The following GRM8 variants were observed in gnomAD, a reference collection of about 807,000 sequenced individuals.
GRM8 encodes the protein metabotropic glutamate receptor 8.
GRM8 carries 47 observed loss-of-function variants against 87.2 expected under a neutral mutation model. The ratio of observed to expected loss-of-function variants is 0.54; its 90% CI spans 0.43 to 0.69. The LOEUF (loss-of-function observed/expected upper bound fraction) is 0.69. GRM8 is among the 30% of genes least tolerant of loss of function. GRM8 has a pLI of 0.00. For missense variants in GRM8, 1,019 were observed against 1,139.2 expected, an observed-to-expected ratio of 0.89 and a Z score of 1.52; for synonymous variants, 396 against 404.5, an observed-to-expected ratio of 0.98 and a Z score of 0.25.
chr7:126,943,921 G>A (rs963423266), intron 3 of GRM8, among the ~76,000 whole-genome samples: 20 of 152,296 alleles, frequency 1.3e-4, no homozygotes, highest in East Asian at 1.9e-4. Flanking sequence ...TAAAGGACTC[G>A]TTTCACCCAC....
intron 8 of GRM8, among the ~76,000 whole-genome samples, chr7:126,565,952 A>G (rs1303883594): frequency 6.6e-6 from 1 of 152,206 alleles, no homozygotes; most frequent in East Asian, 1.9e-4. Flanking sequence ...AGTCTTTTCA[A>G]CAAATAGTGT....
chr7:126,829,343 C>G (rs1184523211), intron 6 of GRM8, among the ~76,000 whole-genome samples: 3 of 135,070 alleles, frequency 2.2e-5, no homozygotes, highest in East Asian at 4.2e-4. Context: ...GTCTAAGTCT[C>G]TTTGTAGGTC....
intron 3 of GRM8, among the ~76,000 whole-genome samples, chr7:126,987,436 T>C (rs1812188192): frequency 7.1e-6 from 1 of 141,716 alleles, no homozygotes; most frequent in African/African-American, 2.7e-5. Context: ...GAAGCATATC[T>C]TGTTCACAGT....
chr7:126,649,978 G>A (rs1002420384), intron 7 of GRM8, among the ~76,000 whole-genome samples: 1 of 152,198 alleles, frequency 6.6e-6, no homozygotes, highest in African/African-American at 2.4e-5. Context: ...TAGGATTTTG[G>A]AACAAGGCTC....
intron 7 of GRM8, among the ~76,000 whole-genome samples, chr7:126,752,130 G>A (rs1435522483): frequency 2.0e-5 from 3 of 152,114 alleles, no homozygotes; most frequent in African/African-American, 4.8e-5. Flanking sequence ...GCTTACAGCA[G>A]TCATTAAAAT....
At chr7:126,851,808 C>A (rs988894046) in intron 6 of GRM8, among the ~76,000 whole-genome samples, 1 of 152,118 alleles carries the variant, frequency 6.6e-6, no homozygotes, top group Non-Finnish European at 1.5e-5. Flanking sequence ...TCCAGATTAC[C>A]CTGCTTTATT....
At chr7:126,616,395 T>C (rs1462601309) in intron 7 of GRM8, among the ~76,000 whole-genome samples, 1 of 152,218 alleles carries the variant, frequency 6.6e-6, no homozygotes, top group Non-Finnish European at 1.5e-5. Context: ...GGGAAATTTA[T>C]AGCACGAAAT....
intron 2 of GRM8, among the ~76,000 whole-genome samples, chr7:127,153,534 C>T (rs192239139): frequency 1.1e-4 from 17 of 152,048 alleles, no homozygotes; most frequent in Admixed American, 3.3e-4. Context: ...TTTGAGAAAG[C>T]GGAAGTGGGG....
chr7:127,058,412 T>C (rs1299051650), intron 3 of GRM8, among the ~76,000 whole-genome samples: 1 of 152,242 alleles, frequency 6.6e-6, no homozygotes, highest in Non-Finnish European at 1.5e-5. Context: ...ATAGATTTCA[T>C]GGCTTGTTAC....
chr7:127,024,666 G>A (rs932429324), intron 3 of GRM8, among the ~76,000 whole-genome samples: 2 of 152,010 alleles, frequency 1.3e-5, no homozygotes, highest in African/African-American at 4.8e-5. Context: ...CCCAGAAATT[G>A]ATCCCTGACC....
chr7:126,509,362 A>G (rs1415992251), intron 9 of GRM8, among the ~76,000 whole-genome samples: 1 of 152,020 alleles, frequency 6.6e-6, no homozygotes, highest in Non-Finnish European at 1.5e-5. Context: ...ATTATTTTTG[A>G]GATTCAGAAA....
intron 2 of GRM8, among the ~76,000 whole-genome samples, chr7:127,169,795 A>T (rs1393489568): frequency 1.3e-5 from 2 of 152,228 alleles, no homozygotes; most frequent in African/African-American, 4.8e-5. Flanking sequence ...TTATAAATGC[A>T]ATAACAAAGT....
chr7:127,234,656 A>C (rs1797882042), intron 2 of GRM8, among the ~76,000 whole-genome samples: 1 of 152,180 alleles, frequency 6.6e-6, no homozygotes, highest in African/African-American at 2.4e-5. Flanking sequence ...GAACCATTAG[A>C]AATGGCAGTT....
At chr7:126,452,839 C>G (rs762825600) in intron 9 of GRM8, among the ~76,000 whole-genome samples, 1 of 151,646 alleles carries the variant, frequency 6.6e-6, no homozygotes, top group Non-Finnish European at 1.5e-5. Context: ...GTCAGGCACT[C>G]ACATTACTTC....
chr7:126,648,010 A>T (rs1258273547), intron 7 of GRM8, among the ~76,000 whole-genome samples: 1 of 152,194 alleles, frequency 6.6e-6, no homozygotes, highest in Non-Finnish European at 1.5e-5. Flanking sequence ...GATTCTGGCT[A>T]GCTCCTTAGC....
rs1422168594 is a variant in GRM8 at position 126,733,469 on chromosome 7, G to GA, written c.1357+36395dup. ...AGTGGCTTGCTTGGAAAAAAAAGAG[G>GA]AAAAAAAAATAAAGCCCTGTAACTA... On this transcript the variant is annotated intron_variant, in intron 7 of 10. Coordinates refer to ENST00000339582, the MANE Select transcript of GRM8 (RefSeq NM_000845.3). 1.4e-4 allele frequency among the ~76,000 whole-genome samples: 21 copies of GA among 145,350 alleles called. No individual in the cohort carries two copies. The East Asian group carries it at 2.4e-3, about 17-fold the overall frequency.
intron 3 of GRM8, among the ~76,000 whole-genome samples, chr7:126,930,973 C>T (rs1805705321): frequency 6.6e-6 from 1 of 152,140 alleles, no homozygotes; most frequent in African/African-American, 2.4e-5. Context: ...AGGCTCACTG[C>T]TTGGTGCAGA....
chr7:126,921,383 T>A lies in GRM8; in HGVS notation c.728-16700A>T, dbSNP rs1433975882. On this transcript the variant is annotated intron_variant, in intron 3 of 10. Coordinates refer to ENST00000339582, the MANE Select transcript of GRM8 (RefSeq NM_000845.3). ...TCATTCAAGAGGCTTAACTTTCCAA[T>A]TTTGAAATCCCCAAAAGAGAAAATA... Among the ~76,000 whole-genome samples the A allele has an allele frequency of 2.6e-5, 4 of 152,122 alleles. 1 individual carries two copies. The South Asian group carries it at 8.3e-4, about 31-fold the overall frequency.
chr7:126,797,161 G>T (rs574567458), intron 6 of GRM8, among the ~76,000 whole-genome samples: 1 of 152,166 alleles, frequency 6.6e-6, no homozygotes, highest in African/African-American at 2.4e-5. Context: ...TATCAGACTT[G>T]CAGTTCATTA....
Sources: allele counts gnomAD v4.1 joint callset (sites outside exome capture counted in the v4.1 genomes callset), GRCh38; gene constraint gnomAD v4.1.1; transcripts MANE v1.5; gene names NCBI Gene and HGNC (gene_info 2026-07-23, HGNC 2026-07-21).